The following TCF12 variants were observed in gnomAD, a reference collection of about 807,000 sequenced individuals.
TCF12 encodes transcription factor 12, also known as DNA-binding protein HTF4.
A neutral mutation model predicts 86.0 loss-of-function variants in TCF12; 45 were observed. The ratio of observed to expected loss-of-function variants is 0.52; its 90% CI spans 0.41 to 0.67. TCF12 has a LOEUF of 0.67. Among genes scored for constraint, TCF12 ranks in the 30% least tolerant of loss-of-function variants. The pLI, the probability that TCF12 is intolerant of heterozygous loss-of-function variation, is 0.00. For missense variants in TCF12, 881 were observed against 859.9 expected, an observed-to-expected ratio of 1.02 and a Z score of -0.31; for synonymous variants, 330 against 299.6, an observed-to-expected ratio of 1.10 and a Z score of -1.05.
intron 2 of TCF12, among the ~76,000 whole-genome samples, chr15:56,920,780 TTAA>T (rs1294370306): frequency 2.0e-5 from 3 of 152,182 alleles, no homozygotes; most frequent in African/African-American, 2.4e-5. Flanking sequence ...CTGTTTAAAC[TTAA>T]TAATCTTGGA....
intron 4 of TCF12, among the ~76,000 whole-genome samples, chr15:57,067,687 CCT>C (rs1461052720): frequency 2.0e-5 from 3 of 152,126 alleles, no homozygotes; most frequent in African/African-American, 7.2e-5. Context: ...TTTGTTCCTT[CCT>C]CTCTACTTTT....
At chr15:57,219,209 G>A (rs2058463325) in intron 8 of TCF12, 1 of 1,099,280 alleles carries the variant, frequency 9.1e-7, no homozygotes, top group African/African-American at 1.6e-5. Flanking sequence ...AATTTCTTGG[G>A]TTATTTTTAT....
intron 5 of TCF12, among the ~76,000 whole-genome samples, chr15:57,165,164 G>A (rs116803227): frequency 1.8e-4 from 23 of 127,378 alleles, no homozygotes; most frequent in African/African-American, 5.5e-4. Context: ...GTGTGTGTGT[G>A]CGTACACGAG....
chr15:56,981,337 G>T (rs1397657663), intron 3 of TCF12, among the ~76,000 whole-genome samples: 5 of 152,196 alleles, frequency 3.3e-5, no homozygotes, highest in Non-Finnish European at 7.3e-5. Flanking sequence ...ATGAAGCCAT[G>T]CATTGATGCC....
At chr15:57,125,920 G>C (rs1364984700) in intron 5 of TCF12, among the ~76,000 whole-genome samples, 2 of 152,134 alleles carry the variant, frequency 1.3e-5, no homozygotes, top group Non-Finnish European at 2.9e-5. Flanking sequence ...ATCATACTTA[G>C]ATTTTGTGTG....
intron 3 of TCF12, among the ~76,000 whole-genome samples, chr15:56,936,033 G>A (rs1256854522): frequency 6.6e-6 from 1 of 152,116 alleles, no homozygotes; most frequent in Non-Finnish European, 1.5e-5. Context: ...GGATCAAATG[G>A]TAGTTCTACT....
chr15:57,187,141 T>G (rs1210124680), intron 6 of TCF12, among the ~76,000 whole-genome samples: 1 of 150,386 alleles, frequency 6.6e-6, no homozygotes, highest in Non-Finnish European at 1.5e-5. Context: ...ATGATACCAC[T>G]GCACTCCAGC....
intron 6 of TCF12, among the ~76,000 whole-genome samples, chr15:57,188,934 C>T (rs2056832196): frequency 6.6e-6 from 1 of 152,208 alleles, no homozygotes; most frequent in African/African-American, 2.4e-5. Flanking sequence ...ACTACAGGCG[C>T]ACACCATCAC....
intron 6 of TCF12, among the ~76,000 whole-genome samples, chr15:57,187,175 CA>C (rs55886942): frequency 0.99 from 139,494 of 141,392 alleles, 68,803 homozygotes; most frequent in Middle Eastern, 1. Context: ...AGACTGTCTC[CA>C]AAAAAAAAAA....
At chr15:57,272,230 C>T (rs1174118279) in intron 18 of TCF12, among the ~76,000 whole-genome samples, 4 of 152,190 alleles carry the variant, frequency 2.6e-5, no homozygotes, top group Admixed American at 6.5e-5. Context: ...GTGATCATCT[C>T]CCTTTACATA....
chr15:57,227,431 G>T (rs1438856643), intron 8 of TCF12, among the ~76,000 whole-genome samples: 1 of 152,072 alleles, frequency 6.6e-6, no homozygotes, highest in East Asian at 1.9e-4. Flanking sequence ...AAAGGGATCT[G>T]TCTTTGCCAG....
intron 5 of TCF12, among the ~76,000 whole-genome samples, chr15:57,107,022 A>G (rs1196821978): frequency 4.6e-5 from 7 of 152,252 alleles, no homozygotes; most frequent in Non-Finnish European, 1.5e-5. Context: ...TTCTTACAAA[A>G]CAAAACATGC....
At chr15:57,195,116 T>A (rs142958181) in intron 7 of TCF12, among the ~76,000 whole-genome samples, 387 of 152,278 alleles carry the variant, frequency 2.5e-3, no homozygotes, top group African/African-American at 9.0e-3. Flanking sequence ...TTGGCCAGGC[T>A]GGTCTCGAAC....
intron 3 of TCF12, among the ~76,000 whole-genome samples, chr15:56,967,971 T>G (rs1200907961): frequency 6.6e-5 from 10 of 152,296 alleles, no homozygotes; most frequent in African/African-American, 2.4e-4. Context: ...TGTTTGTTTT[T>G]TTGAGGCAGA....
At position 57,024,860 on chromosome 15, in the gene TCF12, G is replaced by A. The variant is rs193042821; in HGVS notation, c.149-38890G>A. Among the ~76,000 whole-genome samples, 593 of 152,282 alleles carry A rather than the reference G, an allele frequency of 3.9e-3. 2 individuals are homozygous for A. Among genetic ancestry groups the A allele is most frequent in the Non-Finnish European group, 5.2e-3 (353 of 68,016 alleles). ...GATAAGGTAGGTAAGGGAGAGGAAC[G>A]AATTCTTCAAGCTAGAAGGCTGAGG... On this transcript the variant is annotated intron_variant, in intron 3 of 20. Transcript: ENST00000333725.
chr15:57,230,550 A>G (rs1324446415), intron 8 of TCF12, among the ~76,000 whole-genome samples: 1 of 152,090 alleles, frequency 6.6e-6, no homozygotes, highest in African/African-American at 2.4e-5. Context: ...AACAAATTAA[A>G]TGAGATTTTT....
intron 3 of TCF12, among the ~76,000 whole-genome samples, chr15:56,998,575 G>T (rs72749490): frequency 6.6e-6 from 1 of 151,966 alleles, no homozygotes; most frequent in Non-Finnish European, 1.5e-5. Flanking sequence ...AGTACAGAAG[G>T]AACTCAGCAT....
chr15:56,970,181 C>T (rs2062216746), intron 3 of TCF12, among the ~76,000 whole-genome samples: 1 of 151,990 alleles, frequency 6.6e-6, no homozygotes, highest in South Asian at 2.1e-4. Context: ...AATGGTTAAC[C>T]ATTTGGAAAA....
intron 6 of TCF12, among the ~76,000 whole-genome samples, chr15:57,183,371 T>A (rs1459547439): frequency 6.6e-6 from 1 of 152,190 alleles, no homozygotes; most frequent in Non-Finnish European, 1.5e-5. Flanking sequence ...AAGTTGACAT[T>A]TTCCTATTTA....
Sources: gnomAD v4.1 joint callset for allele counts (sites outside exome capture counted in the v4.1 genomes callset) on GRCh38, gnomAD v4.1.1 for gene constraint, MANE v1.5 for transcripts, NCBI Gene and HGNC (gene_info 2026-07-23, HGNC 2026-07-21) for gene names.